The following CTBP2 variants were observed in gnomAD, a reference collection of about 807,000 sequenced individuals.
CTBP2 encodes C-terminal binding protein 2.
CTBP2 carries 30 observed loss-of-function variants against 80.3 expected under a neutral mutation model. The observed-to-expected ratio is 0.37, with a 90% CI of 0.28 to 0.51. The LOEUF is 0.51. Among genes scored for constraint, CTBP2 ranks in the 20% least tolerant of loss-of-function variants. The pLI, the probability that CTBP2 is intolerant of heterozygous loss-of-function variation, is 0.93. For synonymous variants in CTBP2, 594 were observed against 587.4 expected (o/e 1.01, Z -0.16); for missense variants, 1,212 against 1,375.3 (o/e 0.88, Z 1.88).
chr10:125,026,596 A>T lies in CTBP2; in HGVS notation c.1164T>A (p.Ala388=). The change falls in exon 1 of 9, where the codon GCT becomes GCA. Residue 388 remains alanine (A), a synonymous_variant. Transcript: ENST00000309035. Reference sequence around the variant, plus strand: ...GGGATGCTGTCTGCAGAGGAGCCGCAGCGCCCAGAGAAGCCAAGTCACCAT... The same window carrying T: ...GGGATGCTGTCTGCAGAGGAGCCGCTGCGCCCAGAGAAGCCAAGTCACCAT... 6.4e-7 allele frequency: 1 copy of T among 1,564,162 alleles called. No individual in the cohort carries two copies. The highest frequency in any genetic ancestry group is 8.7e-7 in the Non-Finnish European group (1 of 1,154,784).
chr10:125,131,126 T>A (rs1189610178), intron 1 of CTBP2, among the ~76,000 whole-genome samples: 1 of 152,164 alleles, frequency 6.6e-6, no homozygotes, highest in Non-Finnish European at 1.5e-5. Flanking sequence ...CTTCACCTGC[T>A]GTCCCCGGCT....
At chr10:125,052,779 C>A (rs999922468) in intron 2 of CTBP2, among the ~76,000 whole-genome samples, 2 of 152,218 alleles carry the variant, frequency 1.3e-5, no homozygotes, top group Non-Finnish European at 2.9e-5. Flanking sequence ...TTGGCGGCAG[C>A]CCCAACACAT....
chr10:124,992,086 A>G (rs1021840189), intron 8 of CTBP2, among the ~76,000 whole-genome samples: 3 of 152,072 alleles, frequency 2.0e-5, no homozygotes, highest in Admixed American at 6.5e-5. Flanking sequence ...TGATTGTACT[A>G]TCCTGAGTTG....
chr10:125,087,905 T>A (rs1848232848), intron 2 of CTBP2, among the ~76,000 whole-genome samples: 1 of 152,166 alleles, frequency 6.6e-6, no homozygotes, highest in South Asian at 2.1e-4. Flanking sequence ...ACCGGTTGCC[T>A]CCCCATTTCC....
Position 125,086,907 on chromosome 10 carries a change from G to A in CTBP2, c.-102+24083C>T, listed in dbSNP as rs914994990. Among the ~76,000 whole-genome samples the A allele has an allele frequency of 6.7e-4, 102 of 152,206 alleles. 1 individual carries two copies. The highest frequency in any genetic ancestry group is 2.1e-4 in the Non-Finnish European group (14 of 68,014). Reference sequence around the variant, plus strand: ...CCTCTAGAACACAAGTTCAGTGGGAGCGCGGCCACTGCACCTGCGGATCCT... The same window carrying A: ...CCTCTAGAACACAAGTTCAGTGGGAACGCGGCCACTGCACCTGCGGATCCT... On this transcript the variant is annotated intron_variant, in intron 2 of 10. Coordinates refer to the CTBP2 transcript ENST00000337195.
chr10:125,032,566 T>C (rs1157864986), upstream of CTBP2, among the ~76,000 whole-genome samples: 1 of 152,128 alleles, frequency 6.6e-6, no homozygotes, highest in Non-Finnish European at 1.5e-5. Context: ...CCAAAAATAG[T>C]CCAGGGCATG....
At chr10:125,057,294 G>C (rs914135079) in intron 2 of CTBP2, among the ~76,000 whole-genome samples, 1 of 152,184 alleles carries the variant, frequency 6.6e-6, no homozygotes, top group Non-Finnish European at 1.5e-5. Context: ...TGGGATTTAC[G>C]TGGCTGGGAT....
intron 2 of CTBP2, among the ~76,000 whole-genome samples, chr10:125,056,726 G>T (rs1345164628): frequency 6.6e-6 from 1 of 152,202 alleles, no homozygotes; most frequent in Non-Finnish European, 1.5e-5. Flanking sequence ...CTTAGTCGAG[G>T]GATGTTGGCT....
Position 125,003,453 on chromosome 10 carries a change from CG to C in CTBP2, c.1717del (p.Arg573AlafsTer19). The C allele has an allele frequency of 6.3e-7, 1 of 1,579,104 alleles. No individual in the cohort carries two copies. ...GCCGTCCAGCAGCGCCACCAGGGGGCGGGGGTGCAGGGGGCCGTTCATGATC... is the reference window on the plus strand; with the variant it reads ...GCCGTCCAGCAGCGCCACCAGGGGGCGGGGTGCAGGGGGCCGTTCATGATC... On this transcript the variant is annotated frameshift_variant, in exon 2 of 9. Coordinates refer to ENST00000309035, the MANE Select transcript of CTBP2 (RefSeq NM_022802.3). LOFTEE classifies it high-confidence loss of function.
intron 1 of CTBP2, among the ~76,000 whole-genome samples, chr10:125,024,592 G>A (rs1957362839): frequency 6.6e-6 from 1 of 152,214 alleles, no homozygotes. Flanking sequence ...CACGACTTGG[G>A]TGAGGAGATA....
At chr10:125,015,856 G>A (rs748331287) in intron 1 of CTBP2, among the ~76,000 whole-genome samples, 191 of 152,356 alleles carry the variant, frequency 1.3e-3, no homozygotes, top group Non-Finnish European at 4.4e-4. Flanking sequence ...CTCACTCGCC[G>A]GCCGCACAAG....
chr10:125,011,541 T>C (rs1023492830), intron 1 of CTBP2, among the ~76,000 whole-genome samples: 3 of 152,190 alleles, frequency 2.0e-5, no homozygotes, highest in African/African-American at 7.2e-5. Flanking sequence ...GTGTGGTATC[T>C]TCCAGGGTTG....
At chr10:125,040,555 T>C (rs776272044) in intron 2 of CTBP2, among the ~76,000 whole-genome samples, 1 of 141,494 alleles carries the variant, frequency 7.1e-6, no homozygotes, top group African/African-American at 2.7e-5. Flanking sequence ...TCCCAAGGAA[T>C]ACAATTAAAT....
intron 1 of CTBP2, among the ~76,000 whole-genome samples, chr10:125,126,513 C>G (rs1263509217): frequency 6.6e-6 from 1 of 152,208 alleles, no homozygotes; most frequent in East Asian, 1.9e-4. Flanking sequence ...ACGTGTGGTA[C>G]AGCTGAGGAT....
upstream of CTBP2, among the ~76,000 whole-genome samples, chr10:125,028,584 T>C (rs74163316): frequency 9.4e-4 from 143 of 152,348 alleles, 1 homozygote; most frequent in African/African-American, 3.2e-3. Context: ...CAAGCCCAAA[T>C]GCATTCTTTA....
At chr10:125,031,488 C>CA (rs11463934), upstream of CTBP2, among the ~76,000 whole-genome samples, 13,253 of 33,420 alleles carry the variant, frequency 0.4, 3,740 homozygotes, top group East Asian at 0.69. Flanking sequence ...GACTCCATTT[C>CA]AAAAAAAAAA....
At chr10:125,059,007 A>T (rs1417860586) in intron 2 of CTBP2, among the ~76,000 whole-genome samples, 1 of 152,208 alleles carries the variant, frequency 6.6e-6, no homozygotes, top group Non-Finnish European at 1.5e-5. Flanking sequence ...GAGGACCTTC[A>T]GGAGATTTCC....
chr10:125,032,767 T>C (rs1958390989), upstream of CTBP2: 1 of 154,760 alleles, frequency 6.5e-6, no homozygotes, highest in Non-Finnish European at 1.5e-5. Flanking sequence ...CAAGGGAGTG[T>C]ACGGTGTGAT....
upstream of CTBP2, among the ~76,000 whole-genome samples, chr10:125,031,932 T>C (rs993672161): frequency 6.6e-6 from 1 of 152,206 alleles, no homozygotes; most frequent in South Asian, 2.1e-4. Context: ...TCTCAGTATT[T>C]AGCCATGGTA....
Sources: gnomAD v4.1 joint callset for allele counts (sites outside exome capture counted in the v4.1 genomes callset) on GRCh38, gnomAD v4.1.1 for gene constraint, MANE v1.5 for transcripts, NCBI Gene and HGNC (gene_info 2026-07-23, HGNC 2026-07-21) for gene names.